The following ITGB2 variants were observed in gnomAD, a reference collection of about 807,000 sequenced individuals.
ITGB2 encodes integrin beta-2.
In ITGB2, 56 loss-of-function variants were observed where a neutral mutation model predicts 86.8. That is an observed-to-expected ratio of 0.65 (90% CI 0.52 to 0.81). ITGB2 has a LOEUF of 0.81. ITGB2 is among the 30% of genes least tolerant of loss of function. The probability of loss-of-function intolerance (pLI) is 0.00; values close to 1 mark genes in which losing one functional copy is unlikely to be tolerated. For missense variants in ITGB2, 948 were observed against 1,061.2 expected, an observed-to-expected ratio of 0.89 and a Z score of 1.48; for synonymous variants, 457 against 450.4, an observed-to-expected ratio of 1.01 and a Z score of -0.19.
In ITGB2 at chr21:44,910,740, G is replaced by A; in HGVS notation, c.43C>T (p.Leu15Phe). 1 of 1,614,044 alleles carries A rather than the reference G, an allele frequency of 6.2e-7. No individual in the cohort carries two copies. The highest frequency in any genetic ancestry group is 8.5e-7 in the Non-Finnish European group (1 of 1,179,974). Residue 15 changes from leucine to phenylalanine, a missense_variant, in exon 2 of 16, where the codon CTC (leucine) becomes TTC (phenylalanine). Transcript: ENST00000652462. Reference protein sequence around the residue: ...RPPLLALVGLLSLGCVLSQEC... With the variant: ...RPPLLALVGLFSLGCVLSQEC... ...CAGAACTCACCGCACCCGAGGGAGA[G>A]CAGCCCCACCAGGGCGAGCAGTGGG... is the stretch of plus-strand genomic sequence containing the variant.
At chr21:44,916,781 T>A (rs1477566420) in intron 1 of ITGB2, among the ~76,000 whole-genome samples, 1 of 149,960 alleles carries the variant, frequency 6.7e-6, no homozygotes, top group East Asian at 2.0e-4. Flanking sequence ...GGCAGGAGAA[T>A]CACTTGAGCC....
At chr21:44,910,886 CCCTGT>C in intron 1 of ITGB2, 101 bp from the exon 2 acceptor site, 2 of 1,212,340 alleles carry the variant, frequency 1.6e-6, no homozygotes, top group Non-Finnish European at 2.4e-6. Context: ...GGAGCTGGGG[CCCTGT>C]CCCTGCTGCA....
intron 9 of ITGB2, 54 bp from the exon 10 acceptor site, chr21:44,893,598 C>T: frequency 1.9e-6 from 3 of 1,608,172 alleles, no homozygotes; most frequent in Middle Eastern, 1.7e-4. Flanking sequence ...TGTCCTGGCC[C>T]TGCCTGGCCC....
chr21:44,925,418 GGGAGGGAAGGAAGGAAGGAAGGAA>G (rs760010734), upstream of ITGB2, among the ~76,000 whole-genome samples: 34 of 115,730 alleles, frequency 2.9e-4, no homozygotes, highest in Admixed American at 1.1e-3. Flanking sequence ...AAGGGAGGGA[GGGAGGGAAGGAAGGAAGGAAGGAA>G]GGAAGGAAGG....
rs183980819 is a variant in ITGB2, at chr21:44,905,028, C to T, written c.329-1493G>A. On this transcript the variant is annotated intron_variant, in intron 4 of 15. Transcript: ENST00000652462. ...AATGTGTTTGGCTTTGGGGGCCGTG[C>T]GGCGTCTGCAGCGACATGGAGGAGG... Among the ~76,000 whole-genome samples, 79 of 152,328 alleles carry T rather than the reference C, an allele frequency of 5.2e-4. 1 individual carries two copies. Among genetic ancestry groups the T allele is most frequent in the Admixed American group, 1.5e-3 (23 of 15,310 alleles).
In ITGB2 at chr21:44,888,980, A is replaced by G. The variant is rs376121132; in HGVS notation, c.1878-85T>C. The G allele has an allele frequency of 3.2e-3, 2,762 of 862,274 alleles. 54 individuals carry two copies. In the African/African-American group the frequency reaches 0.051, roughly 16 times the overall value. The allele number at this position is 862,274 out of a possible 1,614,324, so 53.4% of individuals were successfully genotyped here. A position where few individuals can be genotyped will look rare whatever the true frequency, so the allele number is the denominator to read the frequency against. On this transcript the variant is annotated intron_variant, in intron 13 of 15. Coordinates refer to ENST00000652462, the MANE Select transcript of ITGB2 (RefSeq NM_000211.5). The stretch of plus-strand genomic sequence containing the variant: ...GCTCGGGCTTGGGTGTGTGTCCACC[A>G]GGGGGGGCAGGTGGGGTTGGGGCGC...
exon 1 of ITGB2, chr21:44,928,778 T>A (rs111883687): frequency 0.033 from 5,557 of 170,014 alleles, 814 homozygotes; most frequent in African/African-American, 0.15. Flanking sequence ...CGGAGCCACG[T>A]GAGGACTTCT....
intron 11 of ITGB2, 54 bp from the exon 12 acceptor site, chr21:44,890,276 G>T (rs1005720010): frequency 6.2e-7 from 1 of 1,608,872 alleles, no homozygotes; most frequent in Admixed American, 1.7e-5. Context: ...GTGGGACAAG[G>T]GACAGCCGCC....
intron 4 of ITGB2, among the ~76,000 whole-genome samples, chr21:44,904,639 GCA>G (rs1000099566): frequency 2.7e-5 from 4 of 150,116 alleles, no homozygotes; most frequent in African/African-American, 7.4e-5. Context: ...ACACACACTC[GCA>G]CACACATACA....
At chr21:44,905,200 G>A (rs148505957) in intron 4 of ITGB2, among the ~76,000 whole-genome samples, 1 of 152,256 alleles carries the variant, frequency 6.6e-6, no homozygotes, top group African/African-American at 2.4e-5. Context: ...CGGGGGTAGG[G>A]CCAGGACCCC....
At chr21:44,926,325 C>T (rs114362859) in intron 1 of ITGB2, among the ~76,000 whole-genome samples, 2,004 of 152,214 alleles carry the variant, frequency 0.013, 39 homozygotes, top group African/African-American at 0.046. Flanking sequence ...AGGCTGTGCA[C>T]GTTTTTCTTT....
In ITGB2 at chr21:44,895,836, AAAATAAAATGAAATG is replaced by A. The variant is rs1226131198; in HGVS notation, c.994-791_994-777del. On this transcript the variant is annotated intron_variant, in intron 8 of 15. Coordinates refer to ENST00000652462, the MANE Select transcript of ITGB2 (RefSeq NM_000211.5). ...AACAAGAGCAAAACTCTGTCTCAAT[AAAATAAAATGAAATG>A]AAATGAAATGAAATGAAATGAAATA... Among the ~76,000 whole-genome samples, 10 of 139,300 alleles carry A rather than the reference AAAATAAAATGAAATG, an allele frequency of 7.2e-5. No individual in the cohort carries two copies. In the East Asian group the frequency reaches 8.0e-4, roughly 11 times the overall value. 91.4% of individuals were successfully genotyped at this position (139,300 alleles called of 152,430 possible). A position where few individuals can be genotyped will look rare whatever the true frequency, so the allele number is the denominator to read the frequency against.
intron 1 of ITGB2, among the ~76,000 whole-genome samples, chr21:44,915,235 A>T (rs2084190376): frequency 6.6e-6 from 1 of 151,810 alleles, no homozygotes; most frequent in Non-Finnish European, 1.5e-5. Context: ...CGTGTTGATC[A>T]GGATGGTCTC....
At chr21:44,897,109 C>T (rs1322139510) in intron 8 of ITGB2, among the ~76,000 whole-genome samples, 1 of 152,184 alleles carries the variant, frequency 6.6e-6, no homozygotes, top group Non-Finnish European at 1.5e-5. Flanking sequence ...CCCCCAGACA[C>T]CTGCCCCCAT....
rs866698272 is a variant in ITGB2, at chr21:44,910,317, C to T, written c.114G>A (p.Glu38=). The change falls in exon 3 of 16, where the codon GAG becomes GAA. Residue 38 remains glutamate (E), a synonymous_variant. Transcript: ENST00000652462. The part of the protein sequence containing the change: ...FKVSSCRECI[E]SGPGCTWCQK... ...GGCACCAGGTGCAGCCGGGCCCCGA[C>T]TCGATGCATTCCCGGCAGCTGCTGA... 2 of 1,614,158 alleles carry T rather than the reference C, an allele frequency of 1.2e-6. No individual in the cohort carries two copies. Among genetic ancestry groups the T allele is most frequent in the Middle Eastern group, 3.3e-4 (2 of 6,060 alleles).
intron 8 of ITGB2, among the ~76,000 whole-genome samples, chr21:44,896,197 C>T (rs576059734): frequency 1.7e-4 from 26 of 152,328 alleles, no homozygotes; most frequent in Admixed American, 5.9e-4. Context: ...GTTGGGAGGA[C>T]GTGCATGGTG....
intron 4 of ITGB2, 76 bp from the exon 5 acceptor site, chr21:44,903,611 C>A: frequency 6.4e-7 from 1 of 1,564,764 alleles, no homozygotes; most frequent in Non-Finnish European, 8.7e-7. Context: ...TGGCCCCGAG[C>A]GGGCTGTGCA....
In ITGB2 at chr21:44,907,042, C is replaced by G; in HGVS notation, c.201G>C (p.Gln67His). 6.2e-7 allele frequency: 1 copy of G among 1,612,872 alleles called. No individual in the cohort carries two copies. Among genetic ancestry groups the G allele is most frequent in the Non-Finnish European group, 8.5e-7 (1 of 1,179,034 alleles). Residue 67 changes from glutamine to histidine, a missense_variant, in exon 4 of 16, where the codon CAG becomes CAC. Transcript: ENST00000652462. Reference sequence around the variant, plus strand: ...CAGCCGCACAGCCCCTCATGAGCAGCTGTGGCCGGGTGTCGCAGCGAATGG... The same window carrying G: ...CAGCCGCACAGCCCCTCATGAGCAGGTGTGGCCGGGTGTCGCAGCGAATGG... Reference protein sequence around the residue: ...PDSIRCDTRPQLLMRGCAADD... With the variant: ...PDSIRCDTRPHLLMRGCAADD...
At chr21:44,908,616 T>C (rs769713661) in intron 3 of ITGB2, among the ~76,000 whole-genome samples, 20 of 152,280 alleles carry the variant, frequency 1.3e-4, no homozygotes, top group Non-Finnish European at 2.6e-4. Context: ...GAATTTCTTT[T>C]TCGGGGAGCT....
Sources: gnomAD v4.1 joint callset for allele counts (sites outside exome capture counted in the v4.1 genomes callset) on GRCh38, gnomAD v4.1.1 for gene constraint, MANE v1.5 for transcripts, NCBI Gene and HGNC (gene_info 2026-07-23, HGNC 2026-07-21) for gene names.